Variants in RUNX1 observed in about 807,000 individuals in gnomAD.
The protein encoded by RUNX1 is RUNX family transcription factor 1.
In RUNX1, 19 loss-of-function variants were observed where a neutral mutation model predicts 42.8. That is an observed-to-expected ratio of 0.44 (90% CI 0.31 to 0.65). The LOEUF is 0.65. Among genes scored for constraint, RUNX1 ranks in the 30% least tolerant of loss-of-function variants. The pLI is 0.07. For synonymous variants in RUNX1, 271 were observed against 289.4 expected (o/e 0.94, Z 0.64); for missense variants, 528 against 672.0 (o/e 0.79, Z 2.37).
At chr21:34,862,215 C>T (rs1378060486) in intron 5 of RUNX1, among the ~76,000 whole-genome samples, 8 of 152,000 alleles carry the variant, frequency 5.3e-5, no homozygotes, top group Non-Finnish European at 1.2e-4. Flanking sequence ...ATCTCAGTTT[C>T]CTCATCAGCA....
intron 2 of RUNX1, among the ~76,000 whole-genome samples, chr21:35,037,780 C>T (rs1049443300): frequency 2.6e-5 from 4 of 152,206 alleles, no homozygotes; most frequent in Admixed American, 6.5e-5. Flanking sequence ...ATGCTTGGAA[C>T]GGTGCAAGTG....
intron 2 of RUNX1, among the ~76,000 whole-genome samples, chr21:34,926,397 T>C (rs913951540): frequency 4.1e-5 from 5 of 121,734 alleles, no homozygotes; most frequent in South Asian, 2.9e-4. Flanking sequence ...TTGAACCCAG[T>C]AGGGCAGTGA....
intron 7 of RUNX1, among the ~76,000 whole-genome samples, chr21:34,829,584 A>G (rs2057035205): frequency 6.6e-6 from 1 of 152,258 alleles, no homozygotes; most frequent in Non-Finnish European, 1.5e-5. Context: ...CTATTTTTAA[A>G]TGAAATCATT....
chr21:34,878,308 G>A (rs1340103719), intron 5 of RUNX1, among the ~76,000 whole-genome samples: 1 of 148,452 alleles, frequency 6.7e-6, no homozygotes, highest in Non-Finnish European at 1.5e-5. Context: ...GTCAAATCGG[G>A]CCTTCAGACA....
Position 34,972,540 on chromosome 21 carries a change from C to G in RUNX1, c.58+76302G>C, listed in dbSNP as rs540661277. Among the ~76,000 whole-genome samples the G allele has an allele frequency of 1.4e-4, 21 of 152,252 alleles. No homozygotes were observed. The East Asian group carries it at 3.9e-3, about 28-fold the overall frequency. The stretch of plus-strand genomic sequence containing the variant: ...ATGCAATTTTTGCTTTGTGCTTTGT[C>G]AAATGAATCATATGTTACCATCACT... On this transcript the variant is annotated intron_variant, in intron 2 of 8. Coordinates refer to ENST00000675419, the MANE Select transcript of RUNX1 (RefSeq NM_001754.5).
At chr21:34,904,216 A>C (rs959440384) in intron 2 of RUNX1, among the ~76,000 whole-genome samples, 1 of 152,174 alleles carries the variant, frequency 6.6e-6, no homozygotes, top group Non-Finnish European at 1.5e-5. Context: ...AAGGTAAGGC[A>C]AATTTTGCTA....
chr21:34,828,844 C>T (rs2057025886), intron 7 of RUNX1, among the ~76,000 whole-genome samples: 1 of 152,212 alleles, frequency 6.6e-6, no homozygotes, highest in Non-Finnish European at 1.5e-5. Flanking sequence ...TGCTCTTGGA[C>T]TTCCCAGCCT....
Position 34,889,753 on chromosome 21 carries a change from A to AGGGCCC in RUNX1, c.98-2663_98-2658dup, listed in dbSNP as rs572877317. ...CTGCGGGCATTTTCGCGGAGCTCGG[A>AGGGCCC]GGGCCCCGCCCCCGGTCCGGCGTGC... On this transcript the variant is annotated intron_variant, in intron 3 of 8. Transcript: ENST00000675419. 1.5e-3 allele frequency: 1,720 copies of AGGGCCC among 1,160,880 alleles called. 20 individuals are homozygous for AGGGCCC. The African/African-American group carries it at 0.023, about 16-fold the overall frequency. The allele number at this position is 1,160,880 out of a possible 1,614,324, so 71.9% of individuals were successfully genotyped here. A position where few individuals can be genotyped will look rare whatever the true frequency, so the allele number is the denominator to read the frequency against.
intron 7 of RUNX1, chr21:34,833,154 A>T (rs1223924273): frequency 6.6e-6 from 1 of 152,268 alleles, no homozygotes; most frequent in Non-Finnish European, 1.5e-5. Flanking sequence ...CCCAGGCTGG[A>T]GTGCAGTGGT....
At position 35,017,948 on chromosome 21, in the gene RUNX1, T is replaced by C. The variant is rs141466380; in HGVS notation, c.58+30894A>G. ...AAGGGCACCCCAGATATTAAATCAA[T>C]GAATAATATGGAGAGTATAGTATAT... is the stretch of plus-strand genomic sequence containing the variant. On this transcript the variant is annotated intron_variant, in intron 2 of 8. Coordinates refer to ENST00000675419, the MANE Select transcript of RUNX1 (RefSeq NM_001754.5). Among the ~76,000 whole-genome samples, 39 of 152,316 alleles carry C rather than the reference T, an allele frequency of 2.6e-4. No homozygotes were observed. The East Asian group carries it at 6.6e-3, about 26-fold the overall frequency.
At position 34,907,477 on chromosome 21, in the gene RUNX1, C is replaced by G. The variant is rs2146508511; in HGVS notation, c.59-14514G>C. On this transcript the variant is annotated intron_variant, in intron 2 of 8. Coordinates refer to ENST00000675419, the MANE Select transcript of RUNX1 (RefSeq NM_001754.5). This position sits in a 1 kb window ranked among gnomAD's most constrained non-coding sequence, Gnocchi z 5.3. The stretch of plus-strand genomic sequence containing the variant: ...CTCTTTTTTTGATTGATGTATCTCC[C>G]CTGAGCCCTGGCATACTATTTACTT... Among the ~76,000 whole-genome samples the G allele has an allele frequency of 6.6e-6, 1 of 152,138 alleles. No individual in the cohort carries two copies. The highest frequency in any genetic ancestry group is 3.4e-3 in the Middle Eastern group (1 of 294).
intron 2 of RUNX1, among the ~76,000 whole-genome samples, chr21:34,943,953 G>A (rs1029160412): frequency 1.2e-4 from 18 of 151,476 alleles, no homozygotes; most frequent in African/African-American, 4.1e-4. Context: ...AATAGCGTAG[G>A]AAGAAAAAAA....
At position 34,788,103 on chromosome 21, in the gene RUNX1, A is replaced by G. The variant is rs78335539; in HGVS notation, c.*4032T>C. The stretch of plus-strand genomic sequence containing the variant: ...TCATCTGGCTGAAGACACCAGCTTG[A>G]CAGTTCCCCTTTAAGAAGCATTCCA... On this transcript the variant is annotated 3_prime_UTR_variant, in exon 9 of 9. Transcript: ENST00000675419. 0.02 allele frequency: 4,637 copies of G among 233,250 alleles called. 196 individuals are homozygous for G. The highest frequency in any genetic ancestry group is 0.095 in the African/African-American group (4,319 of 45,416). The allele number at this position is 233,250 out of a possible 1,614,324, so 14.4% of individuals were successfully genotyped here.
At chr21:34,951,968 GA>G (rs1251641977) in intron 2 of RUNX1, among the ~76,000 whole-genome samples, 1 of 152,106 alleles carries the variant, frequency 6.6e-6, no homozygotes, top group South Asian at 2.1e-4. Flanking sequence ...CAAAGACTTG[GA>G]ACCAACCCAA....
At chr21:34,962,657 A>G (rs1374359446) in intron 2 of RUNX1, among the ~76,000 whole-genome samples, 3 of 152,214 alleles carry the variant, frequency 2.0e-5, no homozygotes, top group Non-Finnish European at 4.4e-5. Flanking sequence ...GATCTCGGCT[A>G]TACAGTCCAA....
intron 6 of RUNX1, among the ~76,000 whole-genome samples, chr21:34,837,493 T>C (rs995737194): frequency 1.1e-4 from 17 of 152,230 alleles, no homozygotes; most frequent in Admixed American, 1.1e-3. Flanking sequence ...AGCAATATTT[T>C]GCATGAAATA....
chr21:34,935,611 G>A (rs1412518009), intron 2 of RUNX1, among the ~76,000 whole-genome samples: 1 of 151,758 alleles, frequency 6.6e-6, no homozygotes, highest in African/African-American at 2.4e-5. Context: ...GGTTAACATA[G>A]GGTTTCTCAA....
intron 2 of RUNX1, among the ~76,000 whole-genome samples, chr21:34,895,463 A>T (rs774444631): frequency 5.9e-5 from 9 of 152,220 alleles, no homozygotes; most frequent in Non-Finnish European, 1.3e-4. Context: ...TAAGAGGAAG[A>T]GGGGCCAACA....
At chr21:34,821,172 A>C (rs2056902347) in intron 7 of RUNX1, 1 of 992,802 alleles carries the variant, frequency 1.0e-6, no homozygotes. Flanking sequence ...ATAAGGAGAC[A>C]CCGGGGGAAT....
Sources: allele counts gnomAD v4.1 joint callset (sites outside exome capture counted in the v4.1 genomes callset), GRCh38; gene constraint gnomAD v4.1.1; non-coding constraint Gnocchi (gnomAD v3.1); transcripts MANE v1.5; gene names NCBI Gene and HGNC (gene_info 2026-07-23, HGNC 2026-07-21).